Variants in ATXN8OS observed in about 807,000 individuals in gnomAD.
ATXN8OS encodes the protein ATXN8 opposite strand lncRNA.
chr13:70,154,427 C>T (rs1241820908), intron 4 of ATXN8OS, among the ~76,000 whole-genome samples: 4 of 152,072 alleles, frequency 2.6e-5, no homozygotes, highest in Non-Finnish European at 1.5e-5. Context: ...TCTGCATCTG[C>T]TATTTTTGGT....
rs1243700304 is a variant in ATXN8OS, at chr13:70,129,664, C to T, written n.399-120C>T. The T allele has an allele frequency of 1.2e-4, 48 of 395,744 alleles. No homozygotes were observed. The East Asian group carries it at 1.7e-3, about 14-fold the overall frequency. 24.5% of individuals were successfully genotyped at this position (395,744 alleles called of 1,614,324 possible). On this transcript the variant is annotated intron_variant and non_coding_transcript_variant, in intron 2 of 4. Coordinates refer to ENST00000678624, the Ensembl canonical transcript of ATXN8OS. Reference sequence around the variant, plus strand: ...CTAAAGGTGTTTGATGTTTAAAGTTCATTTAGAAATGTTCTTATAAGTAGA... The same window carrying T: ...CTAAAGGTGTTTGATGTTTAAAGTTTATTTAGAAATGTTCTTATAAGTAGA...
chr13:70,119,968 T>C (rs962346965), intron 2 of ATXN8OS, among the ~76,000 whole-genome samples: 5 of 152,136 alleles, frequency 3.3e-5, no homozygotes, highest in Admixed American at 6.6e-5. Flanking sequence ...TTTTGGAATA[T>C]GTATATTTAA....
intron 4 of ATXN8OS, among the ~76,000 whole-genome samples, chr13:70,168,017 C>T (rs1032065634): frequency 2.6e-5 from 4 of 152,054 alleles, no homozygotes; most frequent in East Asian, 1.9e-4. Context: ...TGAGCCACCG[C>T]GCCCGGCCAA....
At chr13:70,108,842 CGGAT>C (rs1888150266) in intron 1 of ATXN8OS, among the ~76,000 whole-genome samples, 1 of 152,150 alleles carries the variant, frequency 6.6e-6, no homozygotes, top group Admixed American at 6.5e-5. Flanking sequence ...ACAGAAGAAA[CGGAT>C]GCTGGCGTCA....
chr13:70,149,428 C>T (rs577728942), intron 4 of ATXN8OS, among the ~76,000 whole-genome samples: 10 of 152,160 alleles, frequency 6.6e-5, no homozygotes, highest in African/African-American at 2.4e-4. Context: ...CATCGTCAAT[C>T]ATTAAGTTGC....
chr13:70,149,224 G>C (rs1273767647), intron 4 of ATXN8OS, among the ~76,000 whole-genome samples: 2 of 152,028 alleles, frequency 1.3e-5, no homozygotes, highest in Non-Finnish European at 1.5e-5. Context: ...TTAAGTGTTA[G>C]ATGTAAGTCA....
At chr13:70,152,724 A>C (rs527243345) in intron 4 of ATXN8OS, among the ~76,000 whole-genome samples, 2 of 152,234 alleles carry the variant, frequency 1.3e-5, no homozygotes, top group African/African-American at 4.8e-5. Flanking sequence ...CTCTGTTTCA[A>C]ATATTCTGGG....
intron 3 of ATXN8OS, among the ~76,000 whole-genome samples, chr13:70,139,744 T>G (rs530177763): frequency 1.3e-5 from 2 of 152,142 alleles, no homozygotes; most frequent in African/African-American, 4.8e-5. Flanking sequence ...TTGCTCCCAA[T>G]AGAAGGTGCA....
intron 4 of ATXN8OS, among the ~76,000 whole-genome samples, chr13:70,149,073 G>T (rs143538994): frequency 6.6e-6 from 1 of 152,086 alleles, no homozygotes; most frequent in Non-Finnish European, 1.5e-5. Context: ...GTCTGAATTA[G>T]AGATAGTCTA....
At chr13:70,128,534 G>A (rs1888477978) in intron 2 of ATXN8OS, among the ~76,000 whole-genome samples, 1 of 145,604 alleles carries the variant, frequency 6.9e-6, no homozygotes, top group Non-Finnish European at 1.5e-5. Context: ...CTATTGACTT[G>A]AGCTTAAAAA....
chr13:70,129,363 G>A (rs1199390605), intron 2 of ATXN8OS, among the ~76,000 whole-genome samples: 1 of 136,682 alleles, frequency 7.3e-6, no homozygotes, highest in Non-Finnish European at 1.5e-5. Context: ...TAATATTAGT[G>A]CTTGTATTTT....
intron 4 of ATXN8OS, among the ~76,000 whole-genome samples, chr13:70,153,197 T>A (rs569478444): frequency 3.9e-4 from 59 of 151,882 alleles, no homozygotes; most frequent in African/African-American, 1.3e-3. Context: ...AGCTAAAGAG[T>A]GAATGGAGTA....
At chr13:70,157,094 T>C (rs1244985564) in intron 4 of ATXN8OS, among the ~76,000 whole-genome samples, 2 of 150,854 alleles carry the variant, frequency 1.3e-5, no homozygotes, top group South Asian at 2.1e-4. Flanking sequence ...ATCTGATGAA[T>C]TGTTCTACCT....
intron 4 of ATXN8OS, among the ~76,000 whole-genome samples, chr13:70,157,870 C>A (rs961970396): frequency 1.3e-5 from 2 of 152,116 alleles, no homozygotes; most frequent in African/African-American, 4.8e-5. Flanking sequence ...CATATTTTCA[C>A]TAAATTAATA....
chr13:70,168,472 T>C (rs1889105161), intron 4 of ATXN8OS, among the ~76,000 whole-genome samples: 1 of 152,062 alleles, frequency 6.6e-6, no homozygotes, highest in Non-Finnish European at 1.5e-5. Flanking sequence ...TCCTTCTATC[T>C]TTCTGTATGT....
chr13:70,129,622 TTA>T (rs1220029760), intron 2 of ATXN8OS, among the ~76,000 whole-genome samples: 1 of 152,214 alleles, frequency 6.6e-6, no homozygotes, highest in Non-Finnish European at 1.5e-5. Flanking sequence ...ATATGTATTT[TTA>T]TATGTTACTA....
rs1457186217 is a variant in ATXN8OS, at chr13:70,151,925, C to G, written n.573+4497C>G. Among the ~76,000 whole-genome samples, 4 of 152,028 alleles carry G rather than the reference C, an allele frequency of 2.6e-5. No individual in the cohort carries two copies. In the East Asian group the frequency reaches 7.7e-4, roughly 29 times the overall value. On this transcript the variant is annotated intron_variant and non_coding_transcript_variant, in intron 4 of 4. Coordinates refer to ENST00000678624, the Ensembl canonical transcript of ATXN8OS. Reference sequence around the variant, plus strand: ...ATCAGTAAATATAACATTAATTGATCATTTCACTCATCAGTTTAAAACCCT... The same window carrying G: ...ATCAGTAAATATAACATTAATTGATGATTTCACTCATCAGTTTAAAACCCT...
intron 4 of ATXN8OS, among the ~76,000 whole-genome samples, chr13:70,156,905 C>A (rs2137502405): frequency 6.6e-6 from 1 of 152,234 alleles, no homozygotes; most frequent in Admixed American, 6.5e-5. Context: ...GACAGGAAAT[C>A]AGCTGGCCAA....
chr13:70,118,437 A>T (rs1393600348), intron 2 of ATXN8OS, among the ~76,000 whole-genome samples: 2 of 152,136 alleles, frequency 1.3e-5, no homozygotes, highest in Admixed American at 1.3e-4. Context: ...ATAATGCATT[A>T]TAAAGCCATC....
Sources: allele counts gnomAD v4.1 joint callset (sites outside exome capture counted in the v4.1 genomes callset), GRCh38; gene constraint gnomAD v4.1.1; transcripts MANE v1.5; gene names NCBI Gene and HGNC (gene_info 2026-07-23, HGNC 2026-07-21).